The following OMA1 variants were observed in gnomAD, a reference collection of about 807,000 sequenced individuals.
The protein encoded by OMA1 is OMA1 zinc metallopeptidase, also known as metalloendopeptidase OMA1, mitochondrial.
In OMA1, 38 loss-of-function variants were observed where a neutral mutation model predicts 30.9. The ratio of observed to expected loss-of-function variants is 1.23; its 90% CI spans 0.95 to 1.61. OMA1 has a LOEUF of 1.61. OMA1 is among the 40% of genes most tolerant of loss of function. The pLI is 0.00. For missense variants in OMA1, 461 were observed against 349.2 expected (o/e 1.32, Z -2.55); for synonymous variants, 173 against 121.9 (o/e 1.42, Z -2.76).
Position 58,481,051 on chromosome 1 carries a change from T to G in OMA1, c.1489A>C (p.Lys497Gln), listed in dbSNP as rs35739143. The G allele has an allele frequency of 1.1e-5, 10 of 871,964 alleles. No homozygotes were observed. The highest frequency in any genetic ancestry group is 2.0e-5 in the Non-Finnish European group (10 of 501,302). 54.0% of individuals were successfully genotyped at this position (871,964 alleles called of 1,614,324 possible). Residue 497 changes from lysine (K) to glutamine (Q), a missense_variant, in exon 9 of 9, where the codon AAG becomes CAG. Coordinates refer to ENST00000371226, the MANE Select transcript of OMA1 (RefSeq NM_145243.5). Reference protein sequence around the residue: ...ESEKEDLNITKKQKMDTLPIQ... With the variant: ...ESEKEDLNITQKQKMDTLPIQ... ...GGAAGAGTATCCATTTTCTGTTTCT[T>G]CGTGATATTTAGGTCTTCTTTCTCT...
At chr1:58,535,870 GA>G (rs1329136055) in intron 3 of OMA1, among the ~76,000 whole-genome samples, 1 of 151,780 alleles carries the variant, frequency 6.6e-6, no homozygotes, top group Non-Finnish European at 1.5e-5. Flanking sequence ...TGATGTTTGG[GA>G]AAAAAATCTT....
intron 8 of OMA1, among the ~76,000 whole-genome samples, chr1:58,489,982 A>C: frequency 6.6e-6 from 1 of 152,196 alleles, no homozygotes; most frequent in African/African-American, 2.4e-5. Flanking sequence ...TAAAACCATA[A>C]AGATGGGGAA....
In OMA1 at chr1:58,530,877, G is replaced by A. The variant is rs115934660; in HGVS notation, c.1012-148C>T. On this transcript the variant is annotated intron_variant, in intron 5 of 8. Transcript: ENST00000371226. ...TTTTCTTCTTTTGCTTATTCTTTCC[G>A]GGTCTGTTTTTCCCTTCCTTGGTTT... 2.9e-3 allele frequency: 1,657 copies of A among 576,416 alleles called. 18 individuals are homozygous for A. The highest frequency in any genetic ancestry group is 0.027 in the African/African-American group (1,465 of 53,406). 35.7% of individuals were successfully genotyped at this position (576,416 alleles called of 1,614,324 possible).
chr1:58,539,738 C>A (rs1646574753), intron 1 of OMA1, among the ~76,000 whole-genome samples: 1 of 152,102 alleles, frequency 6.6e-6, no homozygotes, highest in African/African-American at 2.4e-5. Context: ...GAACAGTGAT[C>A]CCTAACAGAT....
chr1:58,541,586 C>G (rs1245660934), intron 1 of OMA1: 1 of 112,944 alleles, frequency 8.9e-6, no homozygotes, highest in Admixed American at 1.3e-4. Context: ...CACTACACTC[C>G]GGCGTGGGCA....
chr1:58,541,632 A>AAAAC lies in OMA1; in HGVS notation c.-16-2323_-16-2322insGTTT, dbSNP rs1553126073. 1,162 of 146,416 alleles carry AAAAC rather than the reference A, an allele frequency of 7.9e-3. 44 individuals carry two copies. Among genetic ancestry groups the AAAAC allele is most frequent in the African/African-American group, 0.028 (1,108 of 39,122 alleles). The allele number at this position is 146,416 out of a possible 1,614,324, so 9.1% of individuals were successfully genotyped here. A position where few individuals can be genotyped will look rare whatever the true frequency, so the allele number is the denominator to read the frequency against. The stretch of plus-strand genomic sequence containing the variant: ...AACCTGTCAAAAAAAAAAAAAAAAA[A>AAAAC]AAAAAAAAACCAAAAACAAAAAACA... On this transcript the variant is annotated intron_variant, in intron 1 of 8. Coordinates refer to ENST00000371226, the MANE Select transcript of OMA1 (RefSeq NM_145243.5).
At chr1:58,488,280 T>G (rs1249666523) in intron 8 of OMA1, among the ~76,000 whole-genome samples, 1 of 152,356 alleles carries the variant, frequency 6.6e-6, no homozygotes, top group African/African-American at 2.4e-5. Flanking sequence ...ATATTAATTT[T>G]ACTATACTAT....
At chr1:58,536,782 C>A in intron 2 of OMA1, 41 bp from the exon 3 acceptor site, 1 of 841,850 alleles carries the variant, frequency 1.2e-6, no homozygotes. Context: ...AAAATCATTC[C>A]AGCACATATC....
intron 8 of OMA1, among the ~76,000 whole-genome samples, chr1:58,491,451 T>C (rs1645687633): frequency 6.6e-6 from 1 of 152,078 alleles, no homozygotes; most frequent in Admixed American, 6.5e-5. Context: ...AATGTTCCAA[T>C]CAAAAGACAC....
In OMA1 at chr1:58,527,934, G is replaced by A. The variant is rs1035424871; in HGVS notation, c.1141-599C>T. Among the ~76,000 whole-genome samples the A allele has an allele frequency of 2.6e-5, 4 of 152,170 alleles. No homozygotes were observed. The South Asian group carries it at 8.3e-4, about 31-fold the overall frequency. ...AATTTTCCTAATTACTTGTATTTAT[G>A]TGAATGCTTTCCAGTTAAATTCTAA... On this transcript the variant is annotated intron_variant, in intron 6 of 8. Transcript: ENST00000371226.
intron 7 of OMA1, among the ~76,000 whole-genome samples, chr1:58,509,683 TA>T (rs1646044290): frequency 7.1e-6 from 1 of 140,032 alleles, no homozygotes. Flanking sequence ...AAACAGAGAA[TA>T]AAAAAATAGA....
intron 8 of OMA1, among the ~76,000 whole-genome samples, chr1:58,493,395 T>C (rs988579184): frequency 0.014 from 2,198 of 152,158 alleles, 54 homozygotes; most frequent in African/African-American, 0.05. Flanking sequence ...CTATTCAACA[T>C]AGTGTTGGAA....
At chr1:58,501,292 G>A (rs1645903026) in intron 8 of OMA1, among the ~76,000 whole-genome samples, 1 of 152,066 alleles carries the variant, frequency 6.6e-6, no homozygotes, top group Non-Finnish European at 1.5e-5. Context: ...TTGACTTAAA[G>A]CAAGAAAGGA....
intron 2 of OMA1, among the ~76,000 whole-genome samples, chr1:58,537,627 T>C (rs965840830): frequency 1.3e-5 from 2 of 152,216 alleles, no homozygotes; most frequent in African/African-American, 4.8e-5. Context: ...TATGAGTTGA[T>C]CTGTAAAATC....
intron 7 of OMA1, among the ~76,000 whole-genome samples, chr1:58,524,104 C>T (rs4912340): frequency 1.3e-5 from 2 of 152,098 alleles, no homozygotes; most frequent in East Asian, 3.9e-4. Flanking sequence ...AAAGTACTTA[C>T]AAATCCAACT....
At chr1:58,491,015 G>C (rs893104011) in intron 8 of OMA1, among the ~76,000 whole-genome samples, 63 of 151,552 alleles carry the variant, frequency 4.2e-4, no homozygotes, top group Non-Finnish European at 3.7e-4. Flanking sequence ...CACCATGTTA[G>C]CCAGGATGGT....
At chr1:58,515,894 G>T (rs1301829378) in intron 7 of OMA1, among the ~76,000 whole-genome samples, 1 of 152,164 alleles carries the variant, frequency 6.6e-6, no homozygotes, top group South Asian at 2.1e-4. Context: ...AAAAGTCTAT[G>T]ATTCTACAAG....
intron 1 of OMA1, among the ~76,000 whole-genome samples, chr1:58,545,038 C>T (rs1292663421): frequency 4.6e-5 from 7 of 152,140 alleles, no homozygotes; most frequent in Non-Finnish European, 1.0e-4. Flanking sequence ...CCTGGACTTT[C>T]GTTGGTTTTC....
chr1:58,512,660 G>A (rs192838536), intron 7 of OMA1, among the ~76,000 whole-genome samples: 167 of 152,274 alleles, frequency 1.1e-3, no homozygotes, highest in African/African-American at 3.9e-3. Flanking sequence ...GGACAAATAC[G>A]AGACGATTCC....
Sources: gnomAD v4.1 joint callset for allele counts (sites outside exome capture counted in the v4.1 genomes callset) on GRCh38, gnomAD v4.1.1 for gene constraint, MANE v1.5 for transcripts, NCBI Gene and HGNC (gene_info 2026-07-23, HGNC 2026-07-21) for gene names.